Variants in PPP1R9A observed in about 807,000 individuals in gnomAD.
PPP1R9A encodes the protein protein phosphatase 1 regulatory subunit 9A.
PPP1R9A carries 59 observed loss-of-function variants against 141.9 expected under a neutral mutation model. The ratio of observed to expected loss-of-function variants is 0.42; its 90% confidence interval spans 0.34 to 0.52. The LOEUF (loss-of-function observed/expected upper bound fraction) is 0.52. Ranked by LOEUF, PPP1R9A falls within the 20% of genes least tolerant of loss-of-function variation. The pLI, the probability that PPP1R9A is intolerant of heterozygous loss-of-function variation, is 0.10. For synonymous variants in PPP1R9A, 500 were observed against 569.7 expected, an observed-to-expected ratio of 0.88 and a Z score of 1.74; for missense variants, 1,444 against 1,611.9, an observed-to-expected ratio of 0.90 and a Z score of 1.78.
intron 7 of PPP1R9A, among the ~76,000 whole-genome samples, chr7:95,216,527 A>G (rs373243653): frequency 6.6e-6 from 1 of 152,240 alleles, no homozygotes; most frequent in East Asian, 1.9e-4. Flanking sequence ...CTTGATGGGG[A>G]TGGCATTGAA....
intron 2 of PPP1R9A, among the ~76,000 whole-genome samples, chr7:94,971,693 G>A (rs904592676): frequency 1.3e-5 from 2 of 152,160 alleles, no homozygotes; most frequent in African/African-American, 2.4e-5. Flanking sequence ...GGTCAGCGGA[G>A]AAGCAAACAA....
intron 5 of PPP1R9A, among the ~76,000 whole-genome samples, chr7:95,172,270 A>C (rs1458310664): frequency 1.3e-5 from 2 of 151,716 alleles, no homozygotes; most frequent in African/African-American, 2.4e-5. Flanking sequence ...GACAGTAATA[A>C]CTAATTGAAA....
At chr7:95,280,565 A>T (rs1804002915) in intron 16 of PPP1R9A, among the ~76,000 whole-genome samples, 1 of 152,204 alleles carries the variant, frequency 6.6e-6, no homozygotes, top group South Asian at 2.1e-4. Flanking sequence ...GCTACCTCTG[A>T]AATGGTATCT....
intron 5 of PPP1R9A, among the ~76,000 whole-genome samples, chr7:95,164,095 A>G (rs1219146301): frequency 1.3e-5 from 2 of 152,186 alleles, no homozygotes; most frequent in Non-Finnish European, 2.9e-5. Context: ...CCAAGCATGG[A>G]GCATAATTGC....
At chr7:94,928,226 T>TA (rs1313124949) in intron 2 of PPP1R9A, among the ~76,000 whole-genome samples, 1 of 151,914 alleles carries the variant, frequency 6.6e-6, no homozygotes, top group East Asian at 1.9e-4. Context: ...CCAGAACAGT[T>TA]GGAGGAACAT....
At chr7:94,916,366 C>T (rs1792079140) in intron 2 of PPP1R9A, among the ~76,000 whole-genome samples, 1 of 152,208 alleles carries the variant, frequency 6.6e-6, no homozygotes, top group African/African-American at 2.4e-5. Flanking sequence ...TGCCGCTGAT[C>T]AAGAGATCAC....
At chr7:95,143,939 CATTAACATATTCATCAAGCTA>C (rs1184359456) in intron 4 of PPP1R9A, among the ~76,000 whole-genome samples, 1 of 148,230 alleles carries the variant, frequency 6.7e-6, no homozygotes, top group Non-Finnish European at 1.5e-5. Flanking sequence ...ATGAGTGTAT[CATTAACATATTCATCAAGCTA>C]ATTAACATAT....
chr7:95,237,094 T>A (rs1289334614), intron 8 of PPP1R9A, among the ~76,000 whole-genome samples: 2 of 151,172 alleles, frequency 1.3e-5, no homozygotes, highest in African/African-American at 4.8e-5. Flanking sequence ...CAGTTTTTAT[T>A]TAATAATCCT....
rs138295065 is a variant in PPP1R9A, at chr7:94,992,460, A to T, written c.1395+80952A>T. On this transcript the variant is annotated intron_variant, in intron 2 of 19. Coordinates refer to ENST00000433360, the MANE Select transcript of PPP1R9A (RefSeq NM_001166160.2). ...TATGAACAGATGTATACAAATTTTA[A>T]TATAAACATGCACTTTTCTTTTGGG... 3.4e-3 allele frequency among the ~76,000 whole-genome samples: 514 copies of T among 152,332 alleles called. 2 individuals are homozygous for T. Among genetic ancestry groups the T allele is most frequent in the Non-Finnish European group, 6.1e-3 (413 of 68,028 alleles).
intron 2 of PPP1R9A, among the ~76,000 whole-genome samples, chr7:95,034,316 A>G (rs1284791023): frequency 6.6e-6 from 1 of 151,940 alleles, no homozygotes; most frequent in Non-Finnish European, 1.5e-5. Context: ...ACATAATAAC[A>G]TTTTTAAAAT....
intron 6 of PPP1R9A, among the ~76,000 whole-genome samples, chr7:95,200,077 C>T (rs1277124804): frequency 1.3e-5 from 2 of 151,672 alleles, no homozygotes; most frequent in Non-Finnish European, 2.9e-5. Context: ...CACAAAATTC[C>T]TTCCAGCTTC....
chr7:95,188,214 G>T (rs191748092), intron 5 of PPP1R9A, among the ~76,000 whole-genome samples: 6 of 152,268 alleles, frequency 3.9e-5, no homozygotes, highest in Non-Finnish European at 7.4e-5. Flanking sequence ...TGTTGGACTA[G>T]TCCTTTCATC....
At chr7:95,123,390 T>C (rs903244845) in intron 4 of PPP1R9A, among the ~76,000 whole-genome samples, 1 of 152,178 alleles carries the variant, frequency 6.6e-6, no homozygotes, top group African/African-American at 2.4e-5. Context: ...GGCTTATGCC[T>C]GTAATCCCAG....
At chr7:95,204,344 G>A (rs763114967) in intron 7 of PPP1R9A, among the ~76,000 whole-genome samples, 47 of 152,116 alleles carry the variant, frequency 3.1e-4, no homozygotes, top group Non-Finnish European at 6.3e-4. Context: ...TATGTAAAAG[G>A]CAGGCTGATT....
chr7:95,027,162 C>T (rs1806974920), intron 2 of PPP1R9A, among the ~76,000 whole-genome samples: 1 of 152,162 alleles, frequency 6.6e-6, no homozygotes, highest in Admixed American at 6.5e-5. Context: ...AGCTTGGTGT[C>T]TGCCTAAACA....
chr7:95,216,190 T>C (rs139170489), intron 7 of PPP1R9A, among the ~76,000 whole-genome samples: 1,634 of 152,336 alleles, frequency 0.011, 75 homozygotes, highest in Admixed American at 0.073. Flanking sequence ...TTTCTACATA[T>C]GGCTAGCCAG....
intron 3 of PPP1R9A, among the ~76,000 whole-genome samples, chr7:95,119,669 G>A (rs1294698596): frequency 2.0e-5 from 3 of 152,036 alleles, no homozygotes; most frequent in Admixed American, 6.6e-5. Context: ...GCCCAGGCTT[G>A]TCTTGAACTC....
intron 2 of PPP1R9A, among the ~76,000 whole-genome samples, chr7:94,920,942 A>T (rs1197230091): frequency 6.6e-6 from 1 of 152,038 alleles, no homozygotes; most frequent in Non-Finnish European, 1.5e-5. Flanking sequence ...TCCTCCAAAA[A>T]TTTCTTTTTA....
chr7:94,982,289 G>A (rs929464169), intron 2 of PPP1R9A, among the ~76,000 whole-genome samples: 1 of 152,162 alleles, frequency 6.6e-6, no homozygotes, highest in Admixed American at 6.5e-5. Flanking sequence ...AAACATAGGT[G>A]TGCATGTGTC....
Sources: allele counts gnomAD v4.1 joint callset (sites outside exome capture counted in the v4.1 genomes callset), GRCh38; gene constraint gnomAD v4.1.1; transcripts MANE v1.5; gene names NCBI Gene and HGNC (gene_info 2026-07-23, HGNC 2026-07-21).